Variants in PDE9A observed in about 807,000 individuals in gnomAD.
PDE9A encodes the protein high affinity cGMP-specific 3',5'-cyclic phosphodiesterase 9A.
Under a neutral mutation model 87.4 loss-of-function variants are expected in PDE9A, and 60 were observed. The observed-to-expected ratio is 0.69, with a 90% confidence interval of 0.56 to 0.85. The LOEUF (loss-of-function observed/expected upper bound fraction) is 0.85, where lower values mean the gene tolerates loss of function less well. PDE9A is among the 40% of genes least tolerant of loss of function. The pLI is 0.00. For missense variants in PDE9A, 665 were observed against 779.0 expected, an observed-to-expected ratio of 0.85 and a Z score of 1.74; for synonymous variants, 272 against 279.4, an observed-to-expected ratio of 0.97 and a Z score of 0.27.
At chr21:42,668,842 T>C (rs1437994950) in intron 1 of PDE9A, among the ~76,000 whole-genome samples, 1 of 147,476 alleles carries the variant, frequency 6.8e-6, no homozygotes, top group East Asian at 2.1e-4. Flanking sequence ...GTCCTGCGCA[T>C]GAACATCCTC....
At chr21:42,726,680 C>T (rs2051151719) in intron 4 of PDE9A, among the ~76,000 whole-genome samples, 1 of 125,372 alleles carries the variant, frequency 8.0e-6, no homozygotes, top group South Asian at 2.6e-4. Flanking sequence ...CGGCTGGTCT[C>T]AAACTCCTGG....
chr21:42,690,400 G>T (rs1439789647), intron 3 of PDE9A, among the ~76,000 whole-genome samples: 1 of 152,156 alleles, frequency 6.6e-6, no homozygotes, highest in Non-Finnish European at 1.5e-5. Flanking sequence ...AGACAGCGAT[G>T]TGGATGTGAT....
At chr21:42,768,841 C>G in intron 16 of PDE9A, 186 bp from the exon 17 acceptor site, 1 of 985,266 alleles carries the variant, frequency 1.0e-6, no homozygotes, top group Non-Finnish European at 1.2e-6. Flanking sequence ...CCAGCTAGAC[C>G]TGCACGCCCA....
At chr21:42,761,861 C>T (rs2055805600) in intron 13 of PDE9A, among the ~76,000 whole-genome samples, 2 of 151,866 alleles carry the variant, frequency 1.3e-5, no homozygotes, top group Non-Finnish European at 2.9e-5. Flanking sequence ...TCAGAGGTGT[C>T]TGTCTGGTGG....
chr21:42,665,082 A>G (rs1211606874), intron 1 of PDE9A, among the ~76,000 whole-genome samples: 1 of 152,244 alleles, frequency 6.6e-6, no homozygotes, highest in African/African-American at 2.4e-5. Context: ...ACATTTGTCC[A>G]TGGAAATGAG....
chr21:42,698,378 G>A (rs1398144146), intron 3 of PDE9A, among the ~76,000 whole-genome samples: 1 of 152,158 alleles, frequency 6.6e-6, no homozygotes, highest in African/African-American at 2.4e-5. Flanking sequence ...TGTTCCATTG[G>A]CTGCACTGTC....
intron 4 of PDE9A, among the ~76,000 whole-genome samples, chr21:42,712,550 C>T (rs538851026): frequency 1.3e-5 from 2 of 152,256 alleles, no homozygotes; most frequent in African/African-American, 4.8e-5. Context: ...AACTGCAATA[C>T]AGTTAAATAA....
intron 1 of PDE9A, among the ~76,000 whole-genome samples, chr21:42,656,150 G>A (rs228093): frequency 0.057 from 8,737 of 152,150 alleles, 356 homozygotes; most frequent in Non-Finnish European, 0.095. Context: ...CCTGCCATCC[G>A]CCCCATCTCC....
intron 10 of PDE9A, among the ~76,000 whole-genome samples, chr21:42,756,263 G>A (rs1602493407): frequency 6.6e-6 from 1 of 152,326 alleles, no homozygotes; most frequent in South Asian, 2.1e-4. Flanking sequence ...CTTGGCCTCT[G>A]GCAGATCTAG....
chr21:42,676,506 A>C (rs2058852049), intron 1 of PDE9A, among the ~76,000 whole-genome samples: 1 of 152,184 alleles, frequency 6.6e-6, no homozygotes, highest in Non-Finnish European at 1.5e-5. Flanking sequence ...TTTCAAGAAT[A>C]TTATATAAAT....
At chr21:42,727,096 A>G (rs2051211070) in intron 4 of PDE9A, among the ~76,000 whole-genome samples, 1 of 151,582 alleles carries the variant, frequency 6.6e-6, no homozygotes, top group African/African-American at 2.4e-5. Context: ...AAAAAAAAAA[A>G]AAAAGTCTTG....
chr21:42,769,216 G>GGC, intron 17 of PDE9A, 61 bp downstream of exon 17: 3 of 1,501,292 alleles, frequency 2.0e-6, no homozygotes, highest in Non-Finnish European at 2.8e-6. Context: ...TGCACACACA[G>GGC]GCACACACAC....
At chr21:42,667,241 C>T (rs923575929) in intron 1 of PDE9A, among the ~76,000 whole-genome samples, 4 of 152,208 alleles carry the variant, frequency 2.6e-5, no homozygotes, top group Non-Finnish European at 5.9e-5. Flanking sequence ...CTTCTAGCAG[C>T]CCATAAGCCT....
At chr21:42,775,242 T>G (rs1296093878) in intron 19 of PDE9A, 38 bp from the exon 20 acceptor site, 11 of 1,610,146 alleles carry the variant, frequency 6.8e-6, no homozygotes, top group Non-Finnish European at 9.3e-6. Context: ...GCCCTAATTC[T>G]AACAAAAACA....
At chr21:42,689,232 C>A (rs2059655631) in intron 3 of PDE9A, among the ~76,000 whole-genome samples, 1 of 152,226 alleles carries the variant, frequency 6.6e-6, no homozygotes, top group South Asian at 2.1e-4. Flanking sequence ...TCCTGGTCAG[C>A]CGTCCTCCCT....
At chr21:42,677,987 C>T (rs982050242) in intron 1 of PDE9A, among the ~76,000 whole-genome samples, 2 of 152,222 alleles carry the variant, frequency 1.3e-5, no homozygotes, top group East Asian at 1.9e-4. Flanking sequence ...CTAGGTAGCA[C>T]CACAAATGTC....
chr21:42,687,467 CAT>C (rs554082059), intron 2 of PDE9A, among the ~76,000 whole-genome samples: 96 of 152,278 alleles, frequency 6.3e-4, no homozygotes, highest in Non-Finnish European at 1.1e-3. Context: ...GGCCCCAAAA[CAT>C]GTGAGGTTGG....
chr21:42,717,690 G>C (rs896620665), intron 4 of PDE9A, among the ~76,000 whole-genome samples: 1 of 151,420 alleles, frequency 6.6e-6, no homozygotes, highest in African/African-American at 2.4e-5. Flanking sequence ...CCGTGCCCAG[G>C]CAAGGAACAT....
chr21:42,754,072 C>T lies in PDE9A; in HGVS notation c.810+8C>T, dbSNP rs202197800. On this transcript the variant is annotated splice_region_variant and intron_variant, in intron 10 of 19. Coordinates refer to ENST00000291539, the MANE Select transcript of PDE9A (RefSeq NM_002606.3). ...CTTTGGGAGCCCAATGAGGTAAGTG[C>T]GGGGCTTGCAGGCACCACGTCCCAG... 5.1e-5 allele frequency: 81 copies of T among 1,603,066 alleles called. No individual in the cohort carries two copies. The East Asian group carries it at 6.0e-4, about 12-fold the overall frequency.
Sources: allele counts gnomAD v4.1 joint callset (sites outside exome capture counted in the v4.1 genomes callset), GRCh38; gene constraint gnomAD v4.1.1; transcripts MANE v1.5; gene names NCBI Gene and HGNC (gene_info 2026-07-23, HGNC 2026-07-21).